Variants in DCHS2 observed in about 807,000 individuals in gnomAD.
DCHS2 encodes dachsous cadherin-related 2.
DCHS2 carries 142 observed loss-of-function variants against 182.4 expected under a neutral mutation model. The ratio of observed to expected loss-of-function variants is 0.78; its 90% CI spans 0.68 to 0.89. The LOEUF (loss-of-function observed/expected upper bound fraction) is 0.89. DCHS2 is among the 40% of genes least tolerant of loss of function. DCHS2 has a pLI of 0.00. For missense variants in DCHS2, 4,319 were observed against 4,198.6 expected (o/e 1.03, Z -0.79); for synonymous variants, 1,740 against 1,663.3 (o/e 1.05, Z -1.12).
chr4:154,343,966 G>A (rs748682967), intron 3 of DCHS2, among the ~76,000 whole-genome samples: 17 of 151,896 alleles, frequency 1.1e-4, no homozygotes, highest in African/African-American at 3.6e-4. Flanking sequence ...CCTTTCACTC[G>A]GACACTTAAA....
At chr4:154,305,900 A>T (rs1735425326) in intron 10 of DCHS2, among the ~76,000 whole-genome samples, 1 of 152,170 alleles carries the variant, frequency 6.6e-6, no homozygotes, top group African/African-American at 2.4e-5. Context: ...AGTCTGTCCC[A>T]TGCCATTGTA....
Position 154,490,504 on chromosome 4 carries a change from C to A in DCHS2, c.852G>T (p.Leu284=). Residue 284 remains leucine, a synonymous_variant, in exon 1 of 20, where the codon CTG becomes CTT. Coordinates refer to ENST00000357232, the MANE Select transcript of DCHS2 (RefSeq NM_001358235.2). ...PRRTGLLSVE[L]RVLDENDNPP... ...GGTTGTCGTTCTCATCCAGCACGCGCAGCTCCACGCTCAGGAGGCCGGTGC... is the reference window on the plus strand; with the variant it reads ...GGTTGTCGTTCTCATCCAGCACGCGAAGCTCCACGCTCAGGAGGCCGGTGC... 1 of 1,537,246 alleles carries A rather than the reference C, an allele frequency of 6.5e-7. No homozygotes were observed. Among genetic ancestry groups the A allele is most frequent in the Admixed American group, 2.0e-5 (1 of 50,966 alleles).
intron 6 of DCHS2, among the ~76,000 whole-genome samples, chr4:154,328,493 G>C (rs749959248): frequency 1.3e-5 from 2 of 152,126 alleles, no homozygotes; most frequent in Non-Finnish European, 2.9e-5. Context: ...TGTATTTTAA[G>C]ATTTCTAGCA....
At chr4:154,449,798 T>C (rs1734460655) in intron 1 of DCHS2, among the ~76,000 whole-genome samples, 1 of 152,226 alleles carries the variant, frequency 6.6e-6, no homozygotes. Context: ...ACAAATGGCA[T>C]TGCTAAAAAT....
At chr4:154,469,894 A>G (rs1735390431) in intron 1 of DCHS2, among the ~76,000 whole-genome samples, 1 of 152,172 alleles carries the variant, frequency 6.6e-6, no homozygotes, top group South Asian at 2.1e-4. Context: ...GCCACTCTTG[A>G]GCCCATCCTG....
chr4:154,380,081 G>T (rs529323820), intron 1 of DCHS2, among the ~76,000 whole-genome samples: 80 of 152,186 alleles, frequency 5.3e-4, no homozygotes, highest in African/African-American at 1.9e-3. Flanking sequence ...TCACAACAAA[G>T]AATTATCTGA....
chr4:154,262,215 G>A (rs1424587006), intron 14 of DCHS2: 2 of 152,152 alleles, frequency 1.3e-5, no homozygotes, highest in Admixed American at 6.5e-5. Context: ...CACTTGGAAT[G>A]GATCGACGGT....
chr4:154,450,099 G>A (rs542560157), intron 1 of DCHS2, among the ~76,000 whole-genome samples: 7 of 152,152 alleles, frequency 4.6e-5, no homozygotes, highest in Non-Finnish European at 8.8e-5. Context: ...AGAAGGAGCC[G>A]ACCCCTGGGA....
chr4:154,353,309 C>CA (rs1268481289), intron 3 of DCHS2, among the ~76,000 whole-genome samples: 1 of 151,744 alleles, frequency 6.6e-6, no homozygotes, highest in Non-Finnish European at 1.5e-5. Flanking sequence ...AAAAAACACA[C>CA]AAAAAATCAG....
rs116443841 is a variant in DCHS2 at position 154,480,551 on chromosome 4, A to C, written c.2052+8753T>G. Among the ~76,000 whole-genome samples the C allele has an allele frequency of 3.9e-3, 600 of 152,360 alleles. 4 individuals are homozygous for C. Among genetic ancestry groups the C allele is most frequent in the Non-Finnish European group, 6.6e-3 (451 of 68,034 alleles). On this transcript the variant is annotated intron_variant, in intron 1 of 19. Transcript: ENST00000357232. ...TTGCCATAATACATTTTTCAAAAGCATGAAGGAGATGGCATTTTCTAATCT... is the reference window on the plus strand; with the variant it reads ...TTGCCATAATACATTTTTCAAAAGCCTGAAGGAGATGGCATTTTCTAATCT...
Position 154,235,478 on chromosome 4 carries a change from GCAGTCGT to G in DCHS2, c.9167_9173del (p.Asp3056AlafsTer15). 1.1e-5 allele frequency: 18 copies of G among 1,614,014 alleles called. No individual in the cohort carries two copies. The highest frequency in any genetic ancestry group is 1.3e-5 in the Non-Finnish European group (15 of 1,179,964). ...CATCCACAGGGACCACCTCGTTACT[GCAGTCGT>G]CAGTTTTCTGGAAGGCTTTGAGCAC... On this transcript the variant is annotated frameshift_variant, in exon 20 of 20. Transcript: ENST00000357232. LOFTEE classifies it low-confidence loss of function (END_TRUNC).
intron 1 of DCHS2, among the ~76,000 whole-genome samples, chr4:154,475,017 T>C (rs1385448350): frequency 6.6e-6 from 1 of 152,138 alleles, no homozygotes; most frequent in Non-Finnish European, 1.5e-5. Flanking sequence ...AATCAAGTTA[T>C]AATTTATATT....
rs77795138 is a variant in DCHS2 at position 154,366,822 on chromosome 4, T to C, written c.2245-381A>G. ...CAAAAATTTCAGAGTAGAGGCCAAA[T>C]ACATTCAAGGAAATTTGTCCTGATG... is the stretch of plus-strand genomic sequence containing the variant. On this transcript the variant is annotated intron_variant, in intron 2 of 19. Coordinates refer to ENST00000357232, the MANE Select transcript of DCHS2 (RefSeq NM_001358235.2). Among the ~76,000 whole-genome samples the C allele has an allele frequency of 1.9e-3, 296 of 152,296 alleles. 1 individual carries two copies. The highest frequency in any genetic ancestry group is 6.8e-3 in the African/African-American group (281 of 41,570).
chr4:154,336,727 T>A (rs1207662594), intron 3 of DCHS2, among the ~76,000 whole-genome samples: 1 of 152,192 alleles, frequency 6.6e-6, no homozygotes, highest in Non-Finnish European at 1.5e-5. Flanking sequence ...TTTTCCTTTT[T>A]TCCCCAGCTT....
chr4:154,339,354 A>G (rs28649655), intron 3 of DCHS2, among the ~76,000 whole-genome samples: 47,322 of 151,986 alleles, frequency 0.31, 7,423 homozygotes, highest in East Asian at 0.39. Flanking sequence ...ATGAAAATCC[A>G]CCCACAGAGA....
At chr4:154,238,455 G>C (rs1479400277) in intron 19 of DCHS2, among the ~76,000 whole-genome samples, 1 of 151,948 alleles carries the variant, frequency 6.6e-6, no homozygotes, top group African/African-American at 2.4e-5. Context: ...GCTCTGCTAG[G>C]GACATTGTTT....
intron 12 of DCHS2, 29 bp downstream of exon 12, chr4:154,304,632 AAAACAAAC>A (rs70947158): frequency 0.51 from 757,424 of 1,498,428 alleles, 253,287 homozygotes; most frequent in Admixed American, 0.57. Context: ...CTGTCTTAAA[AAAACAAAC>A]AAACAAACAA....
intron 1 of DCHS2, among the ~76,000 whole-genome samples, chr4:154,378,183 AC>A (rs1731000295): frequency 6.6e-6 from 1 of 152,128 alleles, no homozygotes. Flanking sequence ...CACTTATGTT[AC>A]CAGCAATCCT....
In DCHS2 at chr4:154,319,656, TAAAAAAAA is replaced by T. The variant is rs59154846; in HGVS notation, c.5020+715_5020+722del. Among the ~76,000 whole-genome samples the T allele has an allele frequency of 6.8e-5, 8 of 116,940 alleles. No homozygotes were observed. In the East Asian group the frequency reaches 1.2e-3, roughly 18 times the overall value. 76.7% of individuals were successfully genotyped at this position (116,940 alleles called of 152,430 possible). On this transcript the variant is annotated intron_variant, in intron 9 of 19. Transcript: ENST00000357232. ...TTATACCTGTTAGGATGGCTGTTAC[TAAAAAAAA>T]AAAAAAAAAAAAAAAAGACAACAAG...
Sources: gnomAD v4.1 joint callset for allele counts (sites outside exome capture counted in the v4.1 genomes callset) on GRCh38, gnomAD v4.1.1 for gene constraint, MANE v1.5 for transcripts, NCBI Gene and HGNC (gene_info 2026-07-23, HGNC 2026-07-21) for gene names.